Variants in EDEM3 observed in about 807,000 individuals in gnomAD.
EDEM3 encodes the protein ER degradation-enhancing alpha-mannosidase-like protein 3.
In EDEM3, 60 loss-of-function variants were observed where a neutral mutation model predicts 110.2. That is an observed-to-expected ratio of 0.54 (90% CI 0.44 to 0.67). The LOEUF (loss-of-function observed/expected upper bound fraction) is 0.67. Among genes scored for constraint, EDEM3 ranks in the 30% least tolerant of loss-of-function variants. The probability of loss-of-function intolerance (pLI) is 0.00; values close to 1 mark genes in which losing one functional copy is unlikely to be tolerated. For missense variants in EDEM3, 996 were observed against 1,121.0 expected, an observed-to-expected ratio of 0.89 and a Z score of 1.59; for synonymous variants, 352 against 382.9, an observed-to-expected ratio of 0.92 and a Z score of 0.94.
At chr1:184,720,980 T>C in intron 9 of EDEM3, 2 of 220,290 alleles carry the variant, frequency 9.1e-6, no homozygotes, top group South Asian at 1.6e-4. Flanking sequence ...AGCTAACTAG[T>C]AACATATTTC....
intron 18 of EDEM3, among the ~76,000 whole-genome samples, chr1:184,703,754 C>T (rs992028574): frequency 6.6e-5 from 10 of 152,208 alleles, no homozygotes; most frequent in African/African-American, 2.4e-4. Flanking sequence ...ATGACCCATC[C>T]TCTTGGTAAT....
In EDEM3 at chr1:184,734,606, CT is replaced by C. The variant is rs764140614; in HGVS notation, c.382del (p.Arg128GlufsTer4). ...NKTKEFEDAV[R>X]KVLRDVNLDN... ...TAAATTAACATCTCTTAAAACTTTTCTCACTGCATCTTCAAATTCTTTAGTT... is the reference window on the plus strand; with the variant it reads ...TAAATTAACATCTCTTAAAACTTTTCCACTGCATCTTCAAATTCTTTAGTT... On this transcript the variant is annotated frameshift_variant, in exon 5 of 20. Transcript: ENST00000318130. LOFTEE classifies it high-confidence loss of function. The C allele has an allele frequency of 6.5e-7, 1 of 1,535,660 alleles. No individual in the cohort carries two copies. Among genetic ancestry groups the C allele is most frequent in the Non-Finnish European group, 8.8e-7 (1 of 1,134,240 alleles).
intron 6 of EDEM3, among the ~76,000 whole-genome samples, chr1:184,732,423 G>A (rs1414548674): frequency 6.6e-6 from 1 of 152,104 alleles, no homozygotes; most frequent in Non-Finnish European, 1.5e-5. Flanking sequence ...AGCGATTACA[G>A]TCAACAGAAA....
At position 184,706,675 on chromosome 1, in the gene EDEM3, T is replaced by C; in HGVS notation, c.2171A>G (p.Gln724Arg). 1 of 1,613,410 alleles carries C rather than the reference T, an allele frequency of 6.2e-7. No individual in the cohort carries two copies. The highest frequency in any genetic ancestry group is 8.5e-7 in the Non-Finnish European group (1 of 1,179,544). The change falls in exon 18 of 20, where the codon CAG becomes CGG. Residue 724 changes from glutamine to arginine, a missense_variant. By Grantham distance (43) the Gln-to-Arg change is conservative. Around this residue, in one of 5 missense-constraint regions of EDEM3, gnomAD observed 345 missense variants for 402.0 expected, o/e 0.86. Transcript: ENST00000318130. ...AATGCCACCAATGGCTCCAGCATTCTGGATGTTGCGTGCCTTTTCTGCAAA... is the reference window on the plus strand; with the variant it reads ...AATGCCACCAATGGCTCCAGCATTCCGGATGTTGCGTGCCTTTTCTGCAAA... Reference protein sequence around the residue: ...CMFAEKARNIQNAGAIGGIVI... With the variant: ...CMFAEKARNIRNAGAIGGIVI...
intron 5 of EDEM3, among the ~76,000 whole-genome samples, chr1:184,733,298 T>C (rs1261668209): frequency 6.6e-6 from 1 of 152,190 alleles, no homozygotes; most frequent in African/African-American, 2.4e-5. Flanking sequence ...TTAACAAACT[T>C]TAAATTTAAA....
intron 12 of EDEM3, among the ~76,000 whole-genome samples, 192 bp downstream of exon 12, chr1:184,717,348 G>A (rs1650608387): frequency 6.6e-6 from 1 of 151,714 alleles, no homozygotes; most frequent in Admixed American, 6.6e-5. Flanking sequence ...ATTTTTTAAA[G>A]AAAAAAACCT....
chr1:184,729,015 G>A (rs563088217), intron 6 of EDEM3, among the ~76,000 whole-genome samples: 2 of 152,090 alleles, frequency 1.3e-5, no homozygotes, highest in South Asian at 2.1e-4. Flanking sequence ...TTTTGCTTAC[G>A]GGATCCTCTG....
intron 1 of EDEM3, 97 bp from the exon 2 acceptor site, chr1:184,749,689 T>C (rs907631465): frequency 1.9e-6 from 2 of 1,039,730 alleles, no homozygotes; most frequent in South Asian, 1.8e-5. Flanking sequence ...TCATAAAAAA[T>C]ATACCAATAA....
chr1:184,726,387 A>G lies in EDEM3; in HGVS notation c.615T>C (p.Ile205=), dbSNP rs779493890. The change falls in exon 7 of 20, where the codon ATT becomes ATC. Residue 205 remains isoleucine, a splice_region_variant and synonymous_variant. Transcript: ENST00000318130. The part of the protein sequence containing the change: ...NTTSGLPYPR[I]NLKFGIRKPE... The stretch of plus-strand genomic sequence containing the variant: ...GTTTTCTGATGCCAAACTTTAAATT[A>G]ATCTGAATACAATTAGAAAATTGTC... 2.5e-6 allele frequency: 4 copies of G among 1,612,856 alleles called. No individual in the cohort carries two copies. In the East Asian group the frequency reaches 8.9e-5, roughly 36 times the overall value.
intron 4 of EDEM3, among the ~76,000 whole-genome samples, chr1:184,735,662 T>C (rs779483068): frequency 1.3e-5 from 2 of 152,168 alleles, no homozygotes; most frequent in Non-Finnish European, 2.9e-5. Context: ...AAATTTAGGG[T>C]AAGTCCTGAC....
At chr1:184,734,186 A>G (rs998331842) in intron 5 of EDEM3, among the ~76,000 whole-genome samples, 1 of 149,924 alleles carries the variant, frequency 6.7e-6, no homozygotes, top group African/African-American at 2.4e-5. Context: ...TTAAAATTAT[A>G]GACTGGGCGT....
chr1:184,718,161 T>G (rs1013983928), intron 11 of EDEM3, among the ~76,000 whole-genome samples: 2 of 152,030 alleles, frequency 1.3e-5, no homozygotes, highest in Non-Finnish European at 2.9e-5. Context: ...CTCTTAGCAA[T>G]GTGTAAGCAT....
In EDEM3 at chr1:184,717,566, C is replaced by A. The variant is rs1324272567; in HGVS notation, c.1219G>T (p.Ala407Ser). 1 of 1,607,470 alleles carries A rather than the reference C, an allele frequency of 6.2e-7. No individual in the cohort carries two copies. The highest frequency in any genetic ancestry group is 1.7e-5 in the Admixed American group (1 of 58,832). Residue 407 changes from alanine to serine, a missense_variant, in exon 12 of 20, where the codon GCA (alanine) becomes TCA (serine). Coordinates refer to ENST00000318130, the MANE Select transcript of EDEM3 (RefSeq NM_025191.4). ...WAQHPLRPEF[A>S]ESTYFLYKAT... is the part of the protein sequence containing the mutation. ...TTATATAAGAAGTAGGTACTTTCTG[C>A]AAATTCTGGCCTTAAAGGATGTTGA... is the stretch of plus-strand genomic sequence containing the variant.
At chr1:184,719,081 CA>C in intron 11 of EDEM3, 80 bp downstream of exon 11, 1 of 695,910 alleles carries the variant, frequency 1.4e-6, no homozygotes, top group Non-Finnish European at 2.2e-6. Context: ...TTTATATTAG[CA>C]ACTTATAGTG....
chr1:184,743,961 C>A (rs1048066957), intron 2 of EDEM3, among the ~76,000 whole-genome samples: 1 of 150,056 alleles, frequency 6.7e-6, no homozygotes, highest in African/African-American at 2.4e-5. Flanking sequence ...ATCTAATGAA[C>A]AAGCTAAAAT....
chr1:184,706,859 C>A, intron 17 of EDEM3, 51 bp from the exon 18 acceptor site: 1 of 1,575,166 alleles, frequency 6.3e-7, no homozygotes, highest in Non-Finnish European at 8.6e-7. Flanking sequence ...AAATGGCAAT[C>A]AAGTCATTAA....
intron 1 of EDEM3, among the ~76,000 whole-genome samples, chr1:184,753,293 G>A (rs1208710646): frequency 6.6e-6 from 1 of 151,150 alleles, no homozygotes; most frequent in Admixed American, 6.6e-5. Context: ...ATATATTCTG[G>A]ATAGGCTTCC....
intron 7 of EDEM3, 112 bp downstream of exon 7, chr1:184,726,143 C>A: frequency 7.3e-7 from 1 of 1,373,180 alleles, no homozygotes; most frequent in East Asian, 2.4e-5. Context: ...ACAAAAAGTT[C>A]ACTAAAATAA....
At position 184,732,863 on chromosome 1, in the gene EDEM3, T is replaced by G. The variant is rs777995167; in HGVS notation, c.586A>C (p.Thr196Pro). The G allele has an allele frequency of 6.2e-7, 1 of 1,613,782 alleles. No homozygotes were observed. The highest frequency in any genetic ancestry group is 1.7e-5 in the Admixed American group (1 of 59,996). ...LGYKLLPAFN[T>P]TSGLPYPRIN... Reference sequence around the variant, plus strand: ...CTTGGATAAGGAAGGCCACTGGTAGTGTTGAAAGCCGGTAAAAGTTTGTAA... The same window carrying G: ...CTTGGATAAGGAAGGCCACTGGTAGGGTTGAAAGCCGGTAAAAGTTTGTAA... Residue 196 changes from threonine to proline, a missense_variant, in exon 6 of 20, where the codon ACT becomes CCT. Coordinates refer to ENST00000318130, the MANE Select transcript of EDEM3 (RefSeq NM_025191.4).
Sources: allele counts gnomAD v4.1 joint callset (sites outside exome capture counted in the v4.1 genomes callset), GRCh38; gene constraint gnomAD v4.1.1; regional missense constraint gnomAD v4.1.1; transcripts MANE v1.5; gene names NCBI Gene and HGNC (gene_info 2026-07-23, HGNC 2026-07-21).